CNTN5: variants seen among roughly 807,000 people sequenced by gnomAD.
CNTN5 encodes the protein contactin-5.
CNTN5 carries 77 observed loss-of-function variants against 129.1 expected under a neutral mutation model. The ratio of observed to expected loss-of-function variants is 0.60; its 90% CI spans 0.50 to 0.72. The LOEUF (loss-of-function observed/expected upper bound fraction) is 0.72, where lower values mean the gene tolerates loss of function less well. Ranked by LOEUF, CNTN5 falls within the 30% of genes least tolerant of loss-of-function variation. The pLI is 0.00. For synonymous variants in CNTN5, 509 were observed against 465.6 expected (o/e 1.09, Z -1.20); for missense variants, 1,478 against 1,328.8 (o/e 1.11, Z -1.75).
At chr11:99,529,984 A>T (rs1302061382) in intron 2 of CNTN5, among the ~76,000 whole-genome samples, 1 of 152,220 alleles carries the variant, frequency 6.6e-6, no homozygotes, top group Non-Finnish European at 1.5e-5. Context: ...AATATTTTAA[A>T]GTGATTAGAG....
chr11:99,112,415 T>G (rs996830378), intron 1 of CNTN5, among the ~76,000 whole-genome samples: 1 of 152,188 alleles, frequency 6.6e-6, no homozygotes, highest in South Asian at 2.1e-4. Flanking sequence ...ACATTAATCT[T>G]ATAAATGATT....
At chr11:99,581,661 CTT>C (rs1164795484) in intron 3 of CNTN5, among the ~76,000 whole-genome samples, 3 of 152,054 alleles carry the variant, frequency 2.0e-5, no homozygotes, top group African/African-American at 7.3e-5. Context: ...CAACCCCTGC[CTT>C]TTTTTGTTTT....
intron 1 of CNTN5, among the ~76,000 whole-genome samples, chr11:99,237,750 TA>T (rs1861353923): frequency 6.6e-6 from 1 of 152,160 alleles, no homozygotes; most frequent in Admixed American, 6.5e-5. Context: ...AATTTAAAAA[TA>T]AAAACAAAAC....
chr11:100,299,970 G>A (rs536423610), intron 20 of CNTN5, among the ~76,000 whole-genome samples: 4 of 151,464 alleles, frequency 2.6e-5, no homozygotes, highest in Non-Finnish European at 4.4e-5. Flanking sequence ...GTTAAAGAAC[G>A]TGCTAAAGGT....
intron 1 of CNTN5, among the ~76,000 whole-genome samples, chr11:99,256,835 A>G (rs553613374): frequency 6.6e-6 from 1 of 152,100 alleles, no homozygotes; most frequent in African/African-American, 2.4e-5. Flanking sequence ...CTGTGGTTTT[A>G]TAACATCTAC....
intron 21 of CNTN5, among the ~76,000 whole-genome samples, chr11:100,338,527 GA>G (rs1291036869): frequency 6.6e-5 from 10 of 151,258 alleles, no homozygotes; most frequent in Admixed American, 3.3e-4. Context: ...TAAGTTGGGG[GA>G]AAAAAAAAGA....
chr11:100,288,786 CA>C (rs1405987687), intron 18 of CNTN5, among the ~76,000 whole-genome samples: 1 of 151,830 alleles, frequency 6.6e-6, no homozygotes, highest in African/African-American at 2.4e-5. Flanking sequence ...AATAGAGACA[CA>C]AAAAACCCTT....
chr11:99,612,336 G>T (rs1443949369), intron 3 of CNTN5, among the ~76,000 whole-genome samples: 2 of 152,160 alleles, frequency 1.3e-5, no homozygotes, highest in East Asian at 1.9e-4. Context: ...TTGAAAGGCT[G>T]TCTCACTTAT....
chr11:100,090,884 A>T (rs964277112), intron 13 of CNTN5, among the ~76,000 whole-genome samples: 1 of 152,020 alleles, frequency 6.6e-6, no homozygotes, highest in Non-Finnish European at 1.5e-5. Flanking sequence ...TTACCCCAAT[A>T]GCCTAAGAAC....
At chr11:99,399,481 T>G (rs1034083070) in intron 2 of CNTN5, among the ~76,000 whole-genome samples, 1 of 151,752 alleles carries the variant, frequency 6.6e-6, no homozygotes, top group South Asian at 2.1e-4. Context: ...TTTTTAAAGT[T>G]TTACAAAACA....
chr11:100,199,665 C>G (rs1948727879), intron 15 of CNTN5, among the ~76,000 whole-genome samples: 1 of 151,848 alleles, frequency 6.6e-6, no homozygotes, highest in Non-Finnish European at 1.5e-5. Flanking sequence ...TCACTGTCTT[C>G]TCAAAGTAGA....
intron 3 of CNTN5, among the ~76,000 whole-genome samples, chr11:99,615,743 A>T (rs924540721): frequency 2.0e-5 from 3 of 151,018 alleles, no homozygotes; most frequent in African/African-American, 2.4e-5. Context: ...CTTTATTTGG[A>T]TTTTACACAT....
chr11:100,305,947 T>TAAA (rs60794756), intron 20 of CNTN5, among the ~76,000 whole-genome samples: 1 of 121,118 alleles, frequency 8.3e-6, no homozygotes, highest in Admixed American at 8.9e-5. Flanking sequence ...GCTGATTAGC[T>TAAA]AAAAAAAAAA....
chr11:99,956,976 A>G lies in CNTN5; in HGVS notation c.844A>G (p.Ser282Gly). The part of the protein sequence containing the change: ...KNTVTNARVL[S>G]PPTPLTLRND... Reference sequence around the variant, plus strand: ...CACAGTGACGAATGCTAGAGTCCTTAGTCCTCCAACGCCACTCACTCTGCG... The same window carrying G: ...CACAGTGACGAATGCTAGAGTCCTTGGTCCTCCAACGCCACTCACTCTGCG... The change falls in exon 8 of 25, where the codon AGT (serine) becomes GGT (glycine). Residue 282 changes from serine to glycine, a missense_variant. Ser to Gly is a moderately conservative substitution (Grantham distance 56). Transcript: ENST00000524871. 6.2e-7 allele frequency: 1 copy of G among 1,613,874 alleles called. No individual in the cohort carries two copies. Among genetic ancestry groups the G allele is most frequent in the Non-Finnish European group, 8.5e-7 (1 of 1,179,826 alleles).
At chr11:99,345,877 G>T (rs1937819077) in intron 2 of CNTN5, among the ~76,000 whole-genome samples, 1 of 152,004 alleles carries the variant, frequency 6.6e-6, no homozygotes, top group Non-Finnish European at 1.5e-5. Flanking sequence ...CCAAAGGTAA[G>T]AGTAAGTAGA....
At chr11:99,981,459 T>G (rs1267221866) in intron 8 of CNTN5, among the ~76,000 whole-genome samples, 1 of 152,108 alleles carries the variant, frequency 6.6e-6, no homozygotes, top group East Asian at 1.9e-4. Context: ...CCAAGCCAAT[T>G]GAATGGTGCC....
chr11:99,312,365 C>T (rs1464279211), intron 1 of CNTN5, among the ~76,000 whole-genome samples: 1 of 151,986 alleles, frequency 6.6e-6, no homozygotes, highest in Non-Finnish European at 1.5e-5. Context: ...ATTATATATC[C>T]TGTATGAGCC....
At chr11:99,743,566 T>C (rs1943952101) in intron 3 of CNTN5, among the ~76,000 whole-genome samples, 1 of 152,156 alleles carries the variant, frequency 6.6e-6, no homozygotes, top group Non-Finnish European at 1.5e-5. Context: ...GCCTGATATG[T>C]ATTAGCTAAG....
chr11:99,574,350 TA>T (rs1226356337), intron 3 of CNTN5, among the ~76,000 whole-genome samples: 1 of 152,204 alleles, frequency 6.6e-6, no homozygotes, highest in Non-Finnish European at 1.5e-5. Context: ...CTATTGTGAA[TA>T]GTGCTGCAAT....
Sources: allele counts gnomAD v4.1 joint callset (sites outside exome capture counted in the v4.1 genomes callset), GRCh38; gene constraint gnomAD v4.1.1; transcripts MANE v1.5; gene names NCBI Gene and HGNC (gene_info 2026-07-23, HGNC 2026-07-21).